The following PATJ variants were observed in gnomAD, a reference collection of about 807,000 sequenced individuals.
PATJ encodes the protein PATJ crumbs cell polarity complex component, also known as inaD-like protein.
In PATJ, 190 loss-of-function variants were observed where a neutral mutation model predicts 224.9. The observed-to-expected ratio is 0.84, with a 90% CI of 0.75 to 0.95. PATJ has a LOEUF of 0.95. Among genes scored for constraint, PATJ ranks in the 40% least tolerant of loss-of-function variants. PATJ has a pLI of 0.00. For missense variants in PATJ, 2,121 were observed against 2,270.3 expected (o/e 0.93, Z 1.34); for synonymous variants, 769 against 820.3 (o/e 0.94, Z 1.07).
intron 24 of PATJ, among the ~76,000 whole-genome samples, chr1:61,904,723 G>C (rs940883292): frequency 2.6e-5 from 4 of 152,212 alleles, no homozygotes; most frequent in South Asian, 2.1e-4. Context: ...GGAGAAGCAG[G>C]CACCTTCTTC....
intron 27 of PATJ, among the ~76,000 whole-genome samples, chr1:61,979,409 C>T (rs1467944990): frequency 6.6e-6 from 1 of 152,032 alleles, no homozygotes; most frequent in African/African-American, 2.4e-5. Flanking sequence ...AATCCCAGCA[C>T]TTTGGGAGGC....
chr1:61,845,134 G>C (rs899140041), intron 17 of PATJ, among the ~76,000 whole-genome samples: 1 of 152,120 alleles, frequency 6.6e-6, no homozygotes, highest in Non-Finnish European at 1.5e-5. Flanking sequence ...GATAAGGGGG[G>C]ACTACTGTAC....
rs1410706437 is a variant in PATJ at position 62,106,182 on chromosome 1, A to ATATATC, written c.4378-2250_4378-2249insCTATAT. ...TGTATATATATATATATATATATATATATATGGCTGGGCACAGCGGCTCAT... is the reference window on the plus strand; with the variant it reads ...TGTATATATATATATATATATATATATATATCTATATGGCTGGGCACAGCGGCTCAT... On this transcript the variant is annotated intron_variant, in intron 33 of 43. Coordinates refer to ENST00000642238, the MANE Select transcript of PATJ (RefSeq NM_001350145.3). Among the ~76,000 whole-genome samples the ATATATC allele has an allele frequency of 4.6e-4, 50 of 108,088 alleles. 2 individuals carry two copies. The highest frequency in any genetic ancestry group is 1.6e-3 in the African/African-American group (47 of 29,614). 70.9% of individuals were successfully genotyped at this position (108,088 alleles called of 152,430 possible). A position where few individuals can be genotyped will look rare whatever the true frequency, so the allele number is the denominator to read the frequency against.
chr1:61,904,722 G>A (rs72676255), intron 24 of PATJ, among the ~76,000 whole-genome samples: 3,611 of 152,310 alleles, frequency 0.024, 80 homozygotes, highest in Middle Eastern at 0.027. Context: ...AGGAGAAGCA[G>A]GCACCTTCTT....
intron 7 of PATJ, among the ~76,000 whole-genome samples, chr1:61,777,865 G>A (rs1367888861): frequency 6.6e-6 from 1 of 151,558 alleles, no homozygotes; most frequent in Non-Finnish European, 1.5e-5. Context: ...GTACCACCAT[G>A]CTAGGCTAAT....
At chr1:62,000,429 T>C (rs1645690465) in intron 28 of PATJ, among the ~76,000 whole-genome samples, 1 of 145,116 alleles carries the variant, frequency 6.9e-6, no homozygotes, top group Admixed American at 7.1e-5. Context: ...TTCCCATCTA[T>C]GAGTGAGAAT....
intron 29 of PATJ, among the ~76,000 whole-genome samples, chr1:62,030,789 T>C (rs1649103834): frequency 1.3e-5 from 2 of 152,198 alleles, no homozygotes; most frequent in African/African-American, 4.8e-5. Flanking sequence ...TTCTTTTGTG[T>C]CTGGTTTCTT....
At position 62,006,396 on chromosome 1, in the gene PATJ, G is replaced by A. The variant is rs531174993; in HGVS notation, c.3868-11460G>A. The stretch of plus-strand genomic sequence containing the variant: ...CTCCAAAAGTGCTAGGAGTACAGGC[G>A]TGAGCCACCGTGTTCAGCCCAGTAT... On this transcript the variant is annotated intron_variant, in intron 28 of 43. Coordinates refer to ENST00000642238, the MANE Select transcript of PATJ (RefSeq NM_001350145.3). 1.8e-3 allele frequency among the ~76,000 whole-genome samples: 277 copies of A among 152,314 alleles called. 3 individuals carry two copies. The highest frequency in any genetic ancestry group is 2.7e-3 in the Non-Finnish European group (184 of 68,024).
chr1:61,766,221 T>A, intron 3 of PATJ, 58 bp from the exon 4 acceptor site: 1 of 1,201,712 alleles, frequency 8.3e-7, no homozygotes, highest in Non-Finnish European at 1.2e-6. Context: ...ATATATTTAA[T>A]AAATAGAAAC....
chr1:61,912,016 AT>A (rs1672732298), intron 25 of PATJ, among the ~76,000 whole-genome samples: 1 of 144,918 alleles, frequency 6.9e-6, no homozygotes, highest in African/African-American at 2.5e-5. Flanking sequence ...ATATATATAT[AT>A]TTTTATATTA....
At position 62,141,176 on chromosome 1, in the gene PATJ, G is replaced by GTTGCCTCACACAAGGTGAT. The variant is rs569144439; in HGVS notation, c.5272-7096_5272-7078dup. The stretch of plus-strand genomic sequence containing the variant: ...GCTCCAAATATGGCCTATAAACTCT[G>GTTGCCTCACACAAGGTGAT]TTGCCTCACACAAGGTGATTTGCCT... On this transcript the variant is annotated intron_variant, in intron 41 of 43. Transcript: ENST00000642238. Among the ~76,000 whole-genome samples, 680 of 152,088 alleles carry GTTGCCTCACACAAGGTGAT rather than the reference G, an allele frequency of 4.5e-3. 4 individuals are homozygous for GTTGCCTCACACAAGGTGAT. The highest frequency in any genetic ancestry group is 6.2e-3 in the Non-Finnish European group (419 of 68,016).
At chr1:61,774,996 G>A (rs147447372) in intron 6 of PATJ, among the ~76,000 whole-genome samples, 11 of 152,074 alleles carry the variant, frequency 7.2e-5, no homozygotes, top group Non-Finnish European at 1.6e-4. Flanking sequence ...TTGTGTTTTA[G>A]TTTCTCTCTA....
chr1:62,147,960 T>C (rs2149027798), intron 41 of PATJ, among the ~76,000 whole-genome samples: 1 of 149,548 alleles, frequency 6.7e-6, no homozygotes, highest in South Asian at 2.1e-4. Context: ...TGAAACTGTC[T>C]CAAAAAAAAA....
intron 28 of PATJ, among the ~76,000 whole-genome samples, chr1:62,001,517 T>C (rs1191334438): frequency 6.6e-6 from 1 of 150,808 alleles, no homozygotes; most frequent in Non-Finnish European, 1.5e-5. Flanking sequence ...CGGCGTTATT[T>C]CTGAGGGCTC....
At chr1:61,950,775 G>A (rs916464502) in intron 27 of PATJ, among the ~76,000 whole-genome samples, 1 of 152,036 alleles carries the variant, frequency 6.6e-6, no homozygotes, top group Non-Finnish European at 1.5e-5. Context: ...TAGAAATAAA[G>A]GCTGATTTCA....
chr1:62,154,904 G>C (rs1669021979), intron 43 of PATJ, among the ~76,000 whole-genome samples: 1 of 152,156 alleles, frequency 6.6e-6, no homozygotes, highest in African/African-American at 2.4e-5. Flanking sequence ...TTGCTAGAAT[G>C]CCTAATAAGG....
intron 27 of PATJ, among the ~76,000 whole-genome samples, chr1:61,971,626 A>G (rs189189084): frequency 6.6e-6 from 1 of 152,188 alleles, no homozygotes; most frequent in East Asian, 1.9e-4. Flanking sequence ...AAATAAAAGA[A>G]AAAAGAAAAA....
At chr1:61,969,515 T>C (rs1024296010) in intron 27 of PATJ, among the ~76,000 whole-genome samples, 1 of 152,210 alleles carries the variant, frequency 6.6e-6, no homozygotes, top group African/African-American at 2.4e-5. Flanking sequence ...TTGTATACCA[T>C]GTTTGGAGAA....
intron 33 of PATJ, among the ~76,000 whole-genome samples, chr1:62,102,547 A>C (rs1662302238): frequency 6.6e-6 from 1 of 152,070 alleles, no homozygotes; most frequent in African/African-American, 2.4e-5. Flanking sequence ...TAAGGAAGGA[A>C]AGAGATAAGA....
Sources: gnomAD v4.1 joint callset for allele counts (sites outside exome capture counted in the v4.1 genomes callset) on GRCh38, gnomAD v4.1.1 for gene constraint, MANE v1.5 for transcripts, NCBI Gene and HGNC (gene_info 2026-07-23, HGNC 2026-07-21) for gene names.